The following EML1 variants were observed in gnomAD, a reference collection of about 807,000 sequenced individuals.
EML1 encodes echinoderm microtubule-associated protein-like 1.
A neutral mutation model predicts 110.4 loss-of-function variants in EML1; 27 were observed. The observed-to-expected ratio is 0.24, with a 90% CI of 0.18 to 0.34. The LOEUF (loss-of-function observed/expected upper bound fraction) is 0.34, where lower values mean the gene tolerates loss of function less well. EML1 is among the 10% of genes least tolerant of loss of function. The probability of loss-of-function intolerance (pLI) is 1.00; values close to 1 mark genes in which losing one functional copy is unlikely to be tolerated. For synonymous variants in EML1, 344 were observed against 385.8 expected (o/e 0.89, Z 1.27); for missense variants, 741 against 1,030.9 (o/e 0.72, Z 3.85).
chr14:99,753,196 G>GCAC (rs1555386478), intron 1 of EML1, among the ~76,000 whole-genome samples: 1 of 81,848 alleles, frequency 1.2e-5, no homozygotes, highest in Non-Finnish European at 2.4e-5. Context: ...CGCACCCCCC[G>GCAC]CCCCCCCGCC....
Position 99,941,727 on chromosome 14 carries a change from T to C in EML1, c.*1615T>C, listed in dbSNP as rs2140148438. 1 of 152,230 alleles carries C rather than the reference T, an allele frequency of 6.6e-6. No individual in the cohort carries two copies. Among genetic ancestry groups the C allele is most frequent in the East Asian group, 1.9e-4 (1 of 5,206 alleles). The allele number at this position is 152,230 out of a possible 1,614,324, so 9.4% of individuals were successfully genotyped here. On this transcript the variant is annotated 3_prime_UTR_variant, in exon 22 of 22. Transcript: ENST00000262233. ...AAGCATTCATCAGGGGAGATAACCA[T>C]AAAGGATTTGGCCTAATTACCATAC...
intron 14 of EML1, 117 bp from the exon 15 acceptor site, chr14:99,914,449 G>A (rs1044182953): frequency 9.8e-6 from 15 of 1,526,262 alleles, no homozygotes; most frequent in East Asian, 9.1e-5. Flanking sequence ...TGGGAGGAGA[G>A]AAACTGTTGA....
rs112232539 is a variant in EML1 at position 99,739,091 on chromosome 14, T to TGTGAGAGA, written c.28+1232_28+1233insTGAGAGAG. Among the ~76,000 whole-genome samples, 767 of 136,490 alleles carry TGTGAGAGA rather than the reference T, an allele frequency of 5.6e-3. 17 individuals carry two copies. The highest frequency in any genetic ancestry group is 0.037 in the Admixed American group (506 of 13,694). The allele number at this position is 136,490 out of a possible 152,430, so 89.5% of individuals were successfully genotyped here. On this transcript the variant is annotated intron_variant, in intron 1 of 10. Coordinates refer to the EML1 transcript ENST00000554479. ...GTGTGTGTGTGTGTGTGTGTGTGTG[T>TGTGAGAGA]GAGAGAGAGAGACAGAGAGAGAGAG...
At chr14:99,757,066 A>G (rs1223777362) in intron 1 of EML1, among the ~76,000 whole-genome samples, 3 of 152,234 alleles carry the variant, frequency 2.0e-5, no homozygotes, top group Non-Finnish European at 4.4e-5. Context: ...AAGGCTGGGC[A>G]TGGCGGCTCA....
chr14:99,818,176 T>C (rs947773676), intron 1 of EML1, among the ~76,000 whole-genome samples: 5 of 151,692 alleles, frequency 3.3e-5, no homozygotes, highest in South Asian at 2.1e-4. Flanking sequence ...CCAAAGACAA[T>C]GGAGATCCAC....
At chr14:99,929,238 C>A (rs1349506669) in intron 17 of EML1, among the ~76,000 whole-genome samples, 1 of 152,176 alleles carries the variant, frequency 6.6e-6, no homozygotes, top group African/African-American at 2.4e-5. Flanking sequence ...CCGGGCCAAC[C>A]GCATTTGAAT....
At chr14:99,881,482 A>G (rs2059382823) in intron 4 of EML1, among the ~76,000 whole-genome samples, 1 of 152,238 alleles carries the variant, frequency 6.6e-6, no homozygotes, top group African/African-American at 2.4e-5. Context: ...AAATTATACA[A>G]ATCTTACTAT....
chr14:99,799,373 C>T (rs2057832750), intron 1 of EML1, among the ~76,000 whole-genome samples: 1 of 152,152 alleles, frequency 6.6e-6, no homozygotes, highest in Non-Finnish European at 1.5e-5. Context: ...TTCAAGTTGA[C>T]ACCTCGATGG....
chr14:99,777,319 G>A (rs982079781), intron 1 of EML1, among the ~76,000 whole-genome samples: 8 of 151,702 alleles, frequency 5.3e-5, no homozygotes, highest in South Asian at 4.2e-4. Context: ...CATTTCCCAC[G>A]CCATCCCTAG....
At chr14:99,793,215 G>GGCCCC (rs1161291662), upstream of EML1, 10 of 496,346 alleles carry the variant, frequency 2.0e-5, no homozygotes, top group Admixed American at 6.6e-5. Context: ...GGGGAGGCTC[G>GGCCCC]GCCCCGCCCC....
chr14:99,837,513 AT>A (rs1566890654), intron 1 of EML1, among the ~76,000 whole-genome samples: 1 of 152,198 alleles, frequency 6.6e-6, no homozygotes, highest in Non-Finnish European at 1.5e-5. Flanking sequence ...AGGATTAAAA[AT>A]TTTTTTACAG....
chr14:99,769,867 T>G (rs10873511), upstream of EML1, among the ~76,000 whole-genome samples: 4 of 152,274 alleles, frequency 2.6e-5, no homozygotes, highest in East Asian at 7.7e-4. Context: ...CCTCCTTTTC[T>G]TGGGAATAGA....
intron 17 of EML1, among the ~76,000 whole-genome samples, chr14:99,924,974 C>T (rs2060207542): frequency 6.6e-6 from 1 of 152,072 alleles, no homozygotes; most frequent in African/African-American, 2.4e-5. Context: ...CATGTGTTTG[C>T]TAGGATTCTA....
chr14:99,886,675 T>C (rs554231300), intron 4 of EML1, among the ~76,000 whole-genome samples: 2 of 152,314 alleles, frequency 1.3e-5, no homozygotes, highest in South Asian at 4.1e-4. Context: ...GCCCAGGACT[T>C]CTTACACATG....
intron 16 of EML1, among the ~76,000 whole-genome samples, chr14:99,918,924 A>T (rs1249455105): frequency 6.6e-6 from 1 of 152,134 alleles, no homozygotes; most frequent in Admixed American, 6.5e-5. Flanking sequence ...ATACCTATTC[A>T]CCTGGCACCT....
chr14:99,745,203 C>T (rs2057093024), intron 1 of EML1, among the ~76,000 whole-genome samples: 1 of 152,122 alleles, frequency 6.6e-6, no homozygotes, highest in South Asian at 2.1e-4. Flanking sequence ...GTAGCTGGGA[C>T]TACATGCATG....
chr14:99,895,241 AT>A lies in EML1; in HGVS notation c.677+492del, dbSNP rs368437573. Among the ~76,000 whole-genome samples the A allele has an allele frequency of 3.3e-5, 5 of 151,612 alleles. No homozygotes were observed. In the East Asian group the frequency reaches 5.8e-4, roughly 18 times the overall value. On this transcript the variant is annotated intron_variant, in intron 6 of 21. Coordinates refer to ENST00000262233, the MANE Select transcript of EML1 (RefSeq NM_004434.3). ...GAATTTTAGATTCTAATGAGAACTG[AT>A]TTTTTTTTAAGAGATAGTCTCTCCC...
chr14:99,885,337 A>G (rs771951608), intron 4 of EML1, among the ~76,000 whole-genome samples: 34 of 152,240 alleles, frequency 2.2e-4, no homozygotes, highest in Non-Finnish European at 3.1e-4. Flanking sequence ...TGTACAGCAC[A>G]TGACTATAGG....
At chr14:99,934,998 C>CA (rs1230396469) in intron 17 of EML1, among the ~76,000 whole-genome samples, 1 of 152,122 alleles carries the variant, frequency 6.6e-6, no homozygotes, top group Non-Finnish European at 1.5e-5. Context: ...GGAAGAGAGG[C>CA]AGGAAGGGCT....
Sources: allele counts gnomAD v4.1 joint callset (sites outside exome capture counted in the v4.1 genomes callset), GRCh38; gene constraint gnomAD v4.1.1; transcripts MANE v1.5; gene names NCBI Gene and HGNC (gene_info 2026-07-23, HGNC 2026-07-21).